The following GALNT14 variants were observed in gnomAD, a reference collection of about 807,000 sequenced individuals.
GALNT14 encodes the protein UDP-GalNAc:polypeptide N-acetylgalactosaminyltransferase 14.
A neutral mutation model predicts 77.5 loss-of-function variants in GALNT14; 60 were observed. That is an observed-to-expected ratio of 0.77 (90% CI 0.63 to 0.96). The LOEUF (loss-of-function observed/expected upper bound fraction) is 0.96, where lower values mean the gene tolerates loss of function less well. Ranked by LOEUF, GALNT14 falls within the 40% of genes least tolerant of loss-of-function variation. GALNT14 has a pLI of 0.00. For missense variants in GALNT14, 710 were observed against 731.0 expected, an observed-to-expected ratio of 0.97 and a Z score of 0.33; for synonymous variants, 280 against 281.7, an observed-to-expected ratio of 0.99 and a Z score of 0.06.
intron 1 of GALNT14, among the ~76,000 whole-genome samples, chr2:31,131,650 T>C (rs548704528): frequency 2.6e-5 from 4 of 152,252 alleles, no homozygotes; most frequent in East Asian, 1.9e-4. Flanking sequence ...TTCAGAAAGC[T>C]GGGATGGGGA....
intron 3 of GALNT14, among the ~76,000 whole-genome samples, chr2:30,960,676 G>C (rs1558444437): frequency 1.3e-5 from 2 of 152,076 alleles, no homozygotes; most frequent in African/African-American, 4.8e-5. Flanking sequence ...GTCAAGTCCA[G>C]TCCAAGGGAC....
chr2:30,955,596 C>A (rs1489431910), intron 6 of GALNT14, 22 bp downstream of exon 6: 1 of 1,611,636 alleles, frequency 6.2e-7, no homozygotes, highest in African/African-American at 1.3e-5. Context: ...GAGGCCCGGC[C>A]CTGCTCCTCA....
chr2:31,054,205 T>C (rs1448993451), intron 1 of GALNT14, among the ~76,000 whole-genome samples: 5 of 152,234 alleles, frequency 3.3e-5, no homozygotes, highest in Non-Finnish European at 7.3e-5. Context: ...GTCTGCTTAA[T>C]GGCTGTACTG....
intron 1 of GALNT14, among the ~76,000 whole-genome samples, chr2:31,053,614 T>C (rs1674030832): frequency 6.6e-6 from 1 of 152,142 alleles, no homozygotes; most frequent in Admixed American, 6.5e-5. Context: ...CTGAGGCATC[T>C]GCTCCATTTT....
At chr2:31,005,223 A>G (rs1317282053) in intron 1 of GALNT14, among the ~76,000 whole-genome samples, 1 of 152,238 alleles carries the variant, frequency 6.6e-6, no homozygotes, top group Non-Finnish European at 1.5e-5. Context: ...TTTTCAACCC[A>G]ATTTTAGCTG....
At chr2:30,927,975 T>C (rs1665490895) in intron 11 of GALNT14, among the ~76,000 whole-genome samples, 1 of 152,136 alleles carries the variant, frequency 6.6e-6, no homozygotes, top group Admixed American at 6.5e-5. Flanking sequence ...TGTTGCTAGA[T>C]GGAGAACAGC....
At chr2:30,901,911 G>A in the GALNT14 span, among the ~76,000 whole-genome samples, 3 of 152,162 alleles carry the variant, frequency 2.0e-5, no homozygotes, top group Non-Finnish European at 4.4e-5. Flanking sequence ...GAGCCTTTAA[G>A]ATCCTTAGAG....
At chr2:30,986,094 T>G (rs1643840231) in intron 2 of GALNT14, among the ~76,000 whole-genome samples, 1 of 152,148 alleles carries the variant, frequency 6.6e-6, no homozygotes, top group Non-Finnish European at 1.5e-5. Context: ...AGGAAAAATG[T>G]CTTCCTGGTG....
intron 13 of GALNT14, among the ~76,000 whole-genome samples, chr2:30,919,857 G>A (rs1243391046): frequency 6.6e-6 from 1 of 152,196 alleles, no homozygotes; most frequent in East Asian, 1.9e-4. Context: ...GGGAGTAGGA[G>A]CCTCCATTCA....
intron 1 of GALNT14, among the ~76,000 whole-genome samples, chr2:31,130,786 GCGCGCA>G (rs1478704875): frequency 0.012 from 1,705 of 137,002 alleles, 31 homozygotes; most frequent in African/African-American, 0.021. Context: ...GTGTGTGTGC[GCGCGCA>G]CCTGTGTGTG....
At position 30,955,701 on chromosome 2, in the gene GALNT14, G is replaced by C; in HGVS notation, c.571C>G (p.Gln191Glu). 1 of 1,614,164 alleles carries C rather than the reference G, an allele frequency of 6.2e-7. No individual in the cohort carries two copies. Among genetic ancestry groups the C allele is most frequent in the South Asian group, 1.1e-5 (1 of 91,082 alleles). ...RSRIRGADIA[Q>E]GTTLTFLDSH... ...TCGAGGAAAGTCAGAGTGGTGCCCT[G>C]GGCGATGTCAGCGCCCCGAATCCGG... Residue 191 changes from glutamine to glutamate, a missense_variant, in exon 6 of 15, where the codon CAG becomes GAG. By Grantham distance (29) the Gln-to-Glu change is conservative. Transcript: ENST00000349752.
chr2:31,130,487 A>G (rs1466078038), intron 1 of GALNT14, among the ~76,000 whole-genome samples: 1 of 152,158 alleles, frequency 6.6e-6, no homozygotes, highest in Non-Finnish European at 1.5e-5. Flanking sequence ...GGGAGGATGG[A>G]GCATGGACAG....
At chr2:30,942,652 C>T (rs948119313) in intron 8 of GALNT14, among the ~76,000 whole-genome samples, 2 of 152,176 alleles carry the variant, frequency 1.3e-5, no homozygotes, top group African/African-American at 4.8e-5. Flanking sequence ...AAGCCTCTTC[C>T]ACAGGCTCTG....
At chr2:30,971,295 G>A (rs577510027) in intron 2 of GALNT14, among the ~76,000 whole-genome samples, 1 of 152,234 alleles carries the variant, frequency 6.6e-6, no homozygotes, top group African/African-American at 2.4e-5. Flanking sequence ...AGACGAGCAA[G>A]TACGTTGATA....
rs547052626 is a variant in GALNT14 at position 31,138,393 on chromosome 2, TGCC to T, written c.-310_-308del. ...ATGTTCCCCACGCCGCCACCGCGGC[TGCC>T]GCCGCCGCCGCCGCCGCCTTGCCCG... is the stretch of plus-strand genomic sequence containing the variant. On this transcript the variant is annotated 5_prime_UTR_variant, in exon 1 of 15. Transcript: ENST00000349752. The T allele has an allele frequency of 8.5e-4, 288 of 340,050 alleles. 1 individual carries two copies. The highest frequency in any genetic ancestry group is 2.3e-3 in the South Asian group (66 of 28,840). The allele number at this position is 340,050 out of a possible 1,614,324, so 21.1% of individuals were successfully genotyped here. A position where few individuals can be genotyped will look rare whatever the true frequency, so the allele number is the denominator to read the frequency against.
chr2:31,048,993 T>C (rs549611501), intron 1 of GALNT14, among the ~76,000 whole-genome samples: 4 of 152,258 alleles, frequency 2.6e-5, no homozygotes, highest in African/African-American at 9.6e-5. Flanking sequence ...CCTTGTCCTG[T>C]CCAGCCAGCT....
At chr2:30,891,095 T>C in the GALNT14 span, among the ~76,000 whole-genome samples, 3 of 152,144 alleles carry the variant, frequency 2.0e-5, no homozygotes, top group Non-Finnish European at 2.9e-5. Context: ...GGGCAGGTAG[T>C]TGGCACCAGG....
intron 1 of GALNT14, among the ~76,000 whole-genome samples, chr2:31,006,692 T>C (rs1016018615): frequency 6.6e-6 from 1 of 152,130 alleles, no homozygotes; most frequent in Non-Finnish European, 1.5e-5. Context: ...CAGTTGTACA[T>C]TTTCTGCCAA....
Position 31,108,986 on chromosome 2 carries a change from C to T in GALNT14, c.129+28972G>A, listed in dbSNP as rs78887763. Among the ~76,000 whole-genome samples, 5 of 152,342 alleles carry T rather than the reference C, an allele frequency of 3.3e-5. No individual in the cohort carries two copies. In the East Asian group the frequency reaches 5.8e-4, roughly 18 times the overall value. On this transcript the variant is annotated intron_variant, in intron 1 of 14. Transcript: ENST00000349752. The stretch of plus-strand genomic sequence containing the variant: ...CTCTCCCTAGTCTCAACATCAACCA[C>T]GGAGAGGGCAAGTAGACCTGATCAA...
Sources: allele counts gnomAD v4.1 joint callset (sites outside exome capture counted in the v4.1 genomes callset), GRCh38; gene constraint gnomAD v4.1.1; transcripts MANE v1.5; gene names NCBI Gene and HGNC (gene_info 2026-07-23, HGNC 2026-07-21).